Variants in CLASP1 observed in about 807,000 individuals in gnomAD.
CLASP1 encodes the protein CLIP-associating protein 1.
In CLASP1, 38 loss-of-function variants were observed where a neutral mutation model predicts 192.3. The observed-to-expected ratio is 0.20, with a 90% CI of 0.15 to 0.26. The LOEUF is 0.26. Among genes scored for constraint, CLASP1 ranks in the 10% least tolerant of loss-of-function variants. The pLI is 1.00. For missense variants in CLASP1, 1,433 were observed against 1,932.5 expected (o/e 0.74, Z 4.85); for synonymous variants, 691 against 712.8 (o/e 0.97, Z 0.49).
At chr2:121,619,301 A>G (rs964176606) in intron 1 of CLASP1, among the ~76,000 whole-genome samples, 4 of 152,200 alleles carry the variant, frequency 2.6e-5, no homozygotes, top group Non-Finnish European at 5.9e-5. Flanking sequence ...GTGTTTTCCA[A>G]ATTTTTTCTA....
At chr2:121,365,350 G>A in intron 35 of CLASP1, 66 bp from the exon 37 acceptor site, 3 of 1,420,102 alleles carry the variant, frequency 2.1e-6, no homozygotes, top group Non-Finnish European at 2.9e-6. Flanking sequence ...CTTGCTCAGT[G>A]GTGCGCAGTG....
At chr2:121,430,682 G>A (rs1272591324) in intron 19 of CLASP1, among the ~76,000 whole-genome samples, 2 of 151,918 alleles carry the variant, frequency 1.3e-5, no homozygotes, top group Non-Finnish European at 2.9e-5. Context: ...AGAAGCTATA[G>A]CTCCCCAGTG....
chr2:121,361,447 C>G (rs896015173), intron 37 of CLASP1, among the ~76,000 whole-genome samples: 5 of 152,230 alleles, frequency 3.3e-5, no homozygotes, highest in Admixed American at 2.0e-4. Context: ...TTAACGGAGA[C>G]ACAAAACCTA....
At chr2:121,527,673 G>A (rs565205518) in intron 5 of CLASP1, 126 bp downstream of exon 5, 60 of 684,826 alleles carry the variant, frequency 8.8e-5, no homozygotes, top group Admixed American at 2.4e-4. Context: ...GGCAAGGGTG[G>A]GTAAAGGGGG....
intron 19 of CLASP1, among the ~76,000 whole-genome samples, chr2:121,442,248 T>C (rs1325788803): frequency 6.6e-6 from 1 of 152,156 alleles, no homozygotes; most frequent in Non-Finnish European, 1.5e-5. Context: ...GTTTCCCTCA[T>C]CAAAATCTCC....
chr2:121,371,364 G>A lies in CLASP1; in HGVS notation c.3643-3533C>T, dbSNP rs187958204. ...TCTCACTGCAGCTTCTCGAGTAGCT[G>A]GGACTACAGGGTGCACACCACCACA... On this transcript the variant is annotated intron_variant, in intron 34 of 39. Transcript: ENST00000263710. Among the ~76,000 whole-genome samples, 390 of 151,978 alleles carry A rather than the reference G, an allele frequency of 2.6e-3. 2 individuals carry two copies. The highest frequency in any genetic ancestry group is 8.5e-3 in the African/African-American group (354 of 41,426).
intron 28 of CLASP1, 106 bp from the exon 30 acceptor site, chr2:121,398,506 C>T: frequency 2.7e-6 from 2 of 732,448 alleles, no homozygotes; most frequent in South Asian, 3.8e-5. Flanking sequence ...ATGTAAAACC[C>T]TGTTCACATT....
At chr2:121,373,567 G>C (rs1558929743) in intron 34 of CLASP1, among the ~76,000 whole-genome samples, 1 of 152,218 alleles carries the variant, frequency 6.6e-6, no homozygotes, top group Admixed American at 6.5e-5. Context: ...AAACTTCCTA[G>C]AGACTTGTTG....
chr2:121,630,667 C>T (rs2106219367), intron 1 of CLASP1, among the ~76,000 whole-genome samples: 1 of 144,566 alleles, frequency 6.9e-6, no homozygotes, highest in Admixed American at 7.1e-5. Context: ...AGTTTGAGAC[C>T]AGCCTGGCCA....
chr2:121,558,390 C>A (rs1412136225), intron 2 of CLASP1, among the ~76,000 whole-genome samples: 1 of 152,132 alleles, frequency 6.6e-6, no homozygotes, highest in Non-Finnish European at 1.5e-5. Context: ...GAATGTGCCC[C>A]CCCAAATTTC....
At chr2:121,538,922 A>G (rs1414405623) in intron 2 of CLASP1, among the ~76,000 whole-genome samples, 2 of 152,200 alleles carry the variant, frequency 1.3e-5, no homozygotes, top group Non-Finnish European at 2.9e-5. Flanking sequence ...AAATGTTCCT[A>G]TTTTTAATTT....
chr2:121,550,399 T>C (rs746735576), intron 2 of CLASP1, among the ~76,000 whole-genome samples: 4 of 147,520 alleles, frequency 2.7e-5, no homozygotes, highest in Non-Finnish European at 6.0e-5. Context: ...AAAATCAGAG[T>C]TGAAATGAAG....
At chr2:121,500,333 GGAAA>G (rs1219442926) in intron 8 of CLASP1, among the ~76,000 whole-genome samples, 6 of 88,542 alleles carry the variant, frequency 6.8e-5, no homozygotes, top group African/African-American at 1.6e-4. Flanking sequence ...AGAGAAAGAA[GGAAA>G]GAAAGAAAAA....
chr2:121,492,367 C>T (rs544324030), intron 8 of CLASP1, among the ~76,000 whole-genome samples: 5 of 115,606 alleles, frequency 4.3e-5, no homozygotes, highest in Admixed American at 2.6e-4. Context: ...CCAGCCTGGG[C>T]GACAGAGCGA....
intron 1 of CLASP1, among the ~76,000 whole-genome samples, chr2:121,613,973 T>A (rs2066038679): frequency 6.6e-6 from 1 of 152,210 alleles, no homozygotes; most frequent in Admixed American, 6.5e-5. Flanking sequence ...TACAATGGTG[T>A]CACTCACATG....
chr2:121,350,690 AC>A (rs2064203392), intron 37 of CLASP1, among the ~76,000 whole-genome samples: 1 of 152,180 alleles, frequency 6.6e-6, no homozygotes, highest in Admixed American at 6.5e-5. Flanking sequence ...AACAATGGAC[AC>A]GTTTGGGGCC....
Position 121,382,251 on chromosome 2 carries a change from TG to T in CLASP1, c.3447del (p.Thr1150ProfsTer24). On this transcript the variant is annotated frameshift_variant, in exon 33 of 40. Coordinates refer to ENST00000263710, the Ensembl canonical transcript of CLASP1. LOFTEE classifies it high-confidence loss of function. ...CTGAGAGCCTTGTGGGAGGGAGCGG[TG>T]GGGATGGAGTTAGGCTGAGAAAAGG... 6.2e-7 allele frequency: 1 copy of T among 1,608,762 alleles called. No homozygotes were observed. The highest frequency in any genetic ancestry group is 8.5e-7 in the Non-Finnish European group (1 of 1,177,926).
intron 36 of CLASP1, among the ~76,000 whole-genome samples, chr2:121,363,545 G>A (rs2066809329): frequency 6.6e-6 from 1 of 152,192 alleles, no homozygotes; most frequent in African/African-American, 2.4e-5. Flanking sequence ...GCGCCTGACA[G>A]GCACTGAGAA....
intron 37 of CLASP1, among the ~76,000 whole-genome samples, chr2:121,352,797 G>A (rs1035945133): frequency 6.6e-6 from 1 of 152,066 alleles, no homozygotes; most frequent in African/African-American, 2.4e-5. Flanking sequence ...GGGATTACAG[G>A]TGCGTGCCAC....
Sources: gnomAD v4.1 joint callset for allele counts (sites outside exome capture counted in the v4.1 genomes callset) on GRCh38, gnomAD v4.1.1 for gene constraint, MANE v1.5 for transcripts, NCBI Gene and HGNC (gene_info 2026-07-23, HGNC 2026-07-21) for gene names.